The following DNAJC6 variants were observed in gnomAD, a reference collection of about 807,000 sequenced individuals.
DNAJC6 encodes the protein DnaJ heat shock protein family (Hsp40) member C6.
A neutral mutation model predicts 110.0 loss-of-function variants in DNAJC6; 34 were observed. The ratio of observed to expected loss-of-function variants is 0.31; its 90% confidence interval spans 0.24 to 0.41. DNAJC6 has a LOEUF of 0.41. DNAJC6 is among the 10% of genes least tolerant of loss of function. The probability of loss-of-function intolerance (pLI) is 1.00; values close to 1 mark genes in which losing one functional copy is unlikely to be tolerated. For synonymous variants in DNAJC6, 406 were observed against 437.2 expected, an observed-to-expected ratio of 0.93 and a Z score of 0.89; for missense variants, 1,031 against 1,207.8, an observed-to-expected ratio of 0.85 and a Z score of 2.17.
At position 65,379,421 on chromosome 1, in the gene DNAJC6, C is replaced by G; in HGVS notation, c.563C>G (p.Pro188Arg). The G allele has an allele frequency of 6.2e-7, 1 of 1,613,964 alleles. No homozygotes were observed. Among genetic ancestry groups the G allele is most frequent in the Non-Finnish European group, 8.5e-7 (1 of 1,179,922 alleles). Reference sequence around the variant, plus strand: ...CCTTAGGTCTCAGAATGCAGTTGGCCCATTAGGCAGGCTCCCAGTCTGCAC... The same window carrying G: ...CCTTAGGTCTCAGAATGCAGTTGGCGCATTAGGCAGGCTCCCAGTCTGCAC... Reference protein sequence around the residue: ...FHSRVSECSWPIRQAPSLHNL... With the variant: ...FHSRVSECSWRIRQAPSLHNL... Residue 188 changes from proline (P) to arginine (R), a missense_variant, in exon 5 of 19, where the codon CCC becomes CGC. Physicochemically the swap from Pro to Arg is moderately radical, Grantham distance 103. Transcript: ENST00000371069.
Position 65,396,989 on chromosome 1 carries a change from A to G in DNAJC6, c.2039-1824A>G, listed in dbSNP as rs796712015. Among the ~76,000 whole-genome samples, 8 of 152,150 alleles carry G rather than the reference A, an allele frequency of 5.3e-5. No homozygotes were observed. The South Asian group carries it at 1.7e-3, about 32-fold the overall frequency. ...GAGTACTACCCTTTGTGTCCCATGGACGTGGGTGTTCATACTTGGCAGCTT... is the reference window on the plus strand; with the variant it reads ...GAGTACTACCCTTTGTGTCCCATGGGCGTGGGTGTTCATACTTGGCAGCTT... On this transcript the variant is annotated intron_variant, in intron 13 of 18. Coordinates refer to ENST00000371069, the MANE Select transcript of DNAJC6 (RefSeq NM_001256864.2).
chr1:65,270,504 T>A (rs1356285104), intron 1 of DNAJC6, among the ~76,000 whole-genome samples: 1 of 152,188 alleles, frequency 6.6e-6, no homozygotes, highest in African/African-American at 2.4e-5. Context: ...TATTTATGGC[T>A]TCTTTAATAA....
At chr1:65,326,385 A>G (rs1645241795) in intron 1 of DNAJC6, among the ~76,000 whole-genome samples, 1 of 152,232 alleles carries the variant, frequency 6.6e-6, no homozygotes, top group Non-Finnish European at 1.5e-5. Flanking sequence ...CTTCTTGGTT[A>G]GGTTGAGGTC....
At chr1:65,271,189 AC>A in intron 1 of DNAJC6, among the ~76,000 whole-genome samples, 1 of 11,094 alleles carries the variant, frequency 9.0e-5, no homozygotes, top group African/African-American at 1.6e-4. Flanking sequence ...ATAGAAATCT[AC>A]TACATTTTGG....
upstream of DNAJC6, among the ~76,000 whole-genome samples, chr1:65,304,815 A>C (rs997744036): frequency 1.3e-5 from 2 of 152,226 alleles, no homozygotes; most frequent in East Asian, 1.9e-4. Context: ...GAGGAGGCTG[A>C]GTATTCTACA....
intron 1 of DNAJC6, among the ~76,000 whole-genome samples, chr1:65,363,187 T>C (rs1645614086): frequency 6.6e-6 from 1 of 152,148 alleles, no homozygotes; most frequent in Non-Finnish European, 1.5e-5. Flanking sequence ...TCCCACCAGG[T>C]TCCTCCCCTG....
upstream of DNAJC6, among the ~76,000 whole-genome samples, chr1:65,309,356 T>C (rs1203933984): frequency 6.7e-6 from 1 of 148,752 alleles, no homozygotes; most frequent in Non-Finnish European, 1.5e-5. Flanking sequence ...GCTTTGGCGC[T>C]GCCCTGCTGC....
At chr1:65,298,429 G>A (rs1464615084) in intron 1 of DNAJC6, among the ~76,000 whole-genome samples, 1 of 152,144 alleles carries the variant, frequency 6.6e-6, no homozygotes, top group African/African-American at 2.4e-5. Context: ...AAGAGAAACT[G>A]GTTAGGAAAT....
At chr1:65,393,479 G>A (rs1287283268) in intron 12 of DNAJC6, among the ~76,000 whole-genome samples, 1 of 152,154 alleles carries the variant, frequency 6.6e-6, no homozygotes, top group Non-Finnish European at 1.5e-5. Flanking sequence ...AGAAGTGTTT[G>A]GTTATTTGAA....
intron 4 of DNAJC6, among the ~76,000 whole-genome samples, chr1:65,375,570 C>T (rs1483823245): frequency 6.6e-6 from 1 of 152,098 alleles, no homozygotes; most frequent in East Asian, 1.9e-4. Context: ...GGACTACAGG[C>T]ACCTGCCACC....
At chr1:65,307,755 A>G (rs1487916935), upstream of DNAJC6, among the ~76,000 whole-genome samples, 1 of 152,232 alleles carries the variant, frequency 6.6e-6, no homozygotes, top group Non-Finnish European at 1.5e-5. Flanking sequence ...TACTTTAGTC[A>G]AGTAACTAAA....
intron 1 of DNAJC6, among the ~76,000 whole-genome samples, chr1:65,323,911 AATGCCTTTC>A (rs1645218121): frequency 6.6e-6 from 1 of 152,098 alleles, no homozygotes; most frequent in Non-Finnish European, 1.5e-5. Context: ...CCCAGCCAAT[AATGCCTTTC>A]TTATCAGATT....
In DNAJC6 at chr1:65,389,696, C is replaced by T. The variant is rs531245733; in HGVS notation, c.1468+69C>T. 1.7e-3 allele frequency: 2,634 copies of T among 1,543,010 alleles called. 3 individuals carry two copies. The highest frequency in any genetic ancestry group is 2.2e-3 in the Non-Finnish European group (2,501 of 1,118,238). ...GTATTTCTTCTGTAAAGATGTTGGC[C>T]CTAGAAGCAGACTACATTAAAGCAG... On this transcript the variant is annotated intron_variant, in intron 11 of 18. Transcript: ENST00000371069.
intron 1 of DNAJC6, among the ~76,000 whole-genome samples, chr1:65,272,243 T>G (rs1341239528): frequency 1.3e-5 from 2 of 152,376 alleles, no homozygotes; most frequent in Admixed American, 1.3e-4. Flanking sequence ...CTATTCCTAC[T>G]GTGCTAAGTT....
At chr1:65,377,143 A>T (rs1047112191) in intron 4 of DNAJC6, among the ~76,000 whole-genome samples, 11 of 152,218 alleles carry the variant, frequency 7.2e-5, no homozygotes, top group Non-Finnish European at 1.3e-4. Flanking sequence ...TGCTAATGAA[A>T]AGAATATAAA....
chr1:65,306,826 T>A (rs1401749397), upstream of DNAJC6, among the ~76,000 whole-genome samples: 1 of 152,066 alleles, frequency 6.6e-6, no homozygotes, highest in African/African-American at 2.4e-5. Context: ...AGGATATCCC[T>A]GGAAAAAATA....
intron 1 of DNAJC6, among the ~76,000 whole-genome samples, chr1:65,356,916 C>T (rs556746037): frequency 1.8e-4 from 28 of 152,288 alleles, no homozygotes; most frequent in Admixed American, 6.5e-5. Context: ...GGGAATGAGA[C>T]GTAAGCAGCC....
chr1:65,353,223 T>C (rs1645508736), intron 1 of DNAJC6, among the ~76,000 whole-genome samples: 1 of 152,208 alleles, frequency 6.6e-6, no homozygotes, highest in Non-Finnish European at 1.5e-5. Flanking sequence ...GAGTTGAGGT[T>C]CCATGTGGTG....
At chr1:65,400,520 C>G (rs1646021133) in intron 14 of DNAJC6, among the ~76,000 whole-genome samples, 1 of 152,184 alleles carries the variant, frequency 6.6e-6, no homozygotes, top group African/African-American at 2.4e-5. Flanking sequence ...AACCACCATT[C>G]TACTCTTTAT....
Sources: gnomAD v4.1 joint callset for allele counts (sites outside exome capture counted in the v4.1 genomes callset) on GRCh38, gnomAD v4.1.1 for gene constraint, MANE v1.5 for transcripts, NCBI Gene and HGNC (gene_info 2026-07-23, HGNC 2026-07-21) for gene names.